TRPM3: variants seen among roughly 807,000 people sequenced by gnomAD.
The protein encoded by TRPM3 is transient receptor potential cation channel subfamily M member 3, also known as long transient receptor potential channel 3.
TRPM3 carries 77 observed loss-of-function variants against 181.2 expected under a neutral mutation model. The observed-to-expected ratio is 0.42, with a 90% confidence interval of 0.35 to 0.51. The LOEUF (loss-of-function observed/expected upper bound fraction) is 0.51. Ranked by LOEUF, TRPM3 falls within the 20% of genes least tolerant of loss-of-function variation. The pLI is 0.01. For missense variants in TRPM3, 1,759 were observed against 2,196.7 expected (o/e 0.80, Z 3.98); for synonymous variants, 745 against 796.4 (o/e 0.94, Z 1.09).
chr9:70,844,197 A>G (rs1261957191), intron 4 of TRPM3, among the ~76,000 whole-genome samples: 1 of 152,220 alleles, frequency 6.6e-6, no homozygotes, highest in Non-Finnish European at 1.5e-5. Flanking sequence ...CGCTAAACTA[A>G]CTAAACACAT....
intron 1 of TRPM3, among the ~76,000 whole-genome samples, chr9:71,349,034 C>G (rs1000133681): frequency 5.9e-5 from 9 of 152,180 alleles, no homozygotes; most frequent in Admixed American, 5.9e-4. Flanking sequence ...TAAATTCCCC[C>G]TTCCTGGGCT....
chr9:70,605,549 A>G (rs1267685224), intron 19 of TRPM3, among the ~76,000 whole-genome samples: 1 of 151,792 alleles, frequency 6.6e-6, no homozygotes, highest in Non-Finnish European at 1.5e-5. Context: ...CTCATGAAGG[A>G]GTTTACTTAA....
chr9:70,543,624 ATAC>A (rs1564240405), intron 25 of TRPM3, among the ~76,000 whole-genome samples: 1 of 152,196 alleles, frequency 6.6e-6, no homozygotes, highest in Non-Finnish European at 1.5e-5. Flanking sequence ...GGCTTTGAAT[ATAC>A]TAGTAATAGC....
intron 1 of TRPM3, among the ~76,000 whole-genome samples, chr9:71,192,089 A>G (rs1234034412): frequency 6.6e-6 from 1 of 151,892 alleles, no homozygotes; most frequent in Non-Finnish European, 1.5e-5. Context: ...GCAGTGGCTT[A>G]AATCTTTACG....
intron 7 of TRPM3, among the ~76,000 whole-genome samples, chr9:70,772,411 G>C (rs1408501268): frequency 6.6e-6 from 1 of 151,450 alleles, no homozygotes; most frequent in African/African-American, 2.4e-5. Flanking sequence ...TCAACCTCCT[G>C]GGCTCAGGTG....
rs201331382 is a variant in TRPM3 at position 71,290,315 on chromosome 9, CA to C, written c.183+156337del. Among the ~76,000 whole-genome samples, 1,179 of 150,964 alleles carry C rather than the reference CA, an allele frequency of 7.8e-3. 20 individuals carry two copies. The highest frequency in any genetic ancestry group is 0.027 in the African/African-American group (1,121 of 41,122). ...TATATCGTAATGTAATTCAGAATACCAAAAAAAGAAAGATATTAAAATTGGC... is the reference window on the plus strand; with the variant it reads ...TATATCGTAATGTAATTCAGAATACCAAAAAAGAAAGATATTAAAATTGGC... On this transcript the variant is annotated intron_variant, in intron 1 of 24. Transcript: ENST00000357533.
At chr9:71,268,249 G>A (rs977783791) in intron 1 of TRPM3, among the ~76,000 whole-genome samples, 1 of 151,872 alleles carries the variant, frequency 6.6e-6, no homozygotes, top group Non-Finnish European at 1.5e-5. Context: ...GCATGGTGGT[G>A]CATGCCTGTA....
intron 6 of TRPM3, among the ~76,000 whole-genome samples, chr9:70,791,933 G>A (rs1425383345): frequency 6.6e-6 from 1 of 152,122 alleles, no homozygotes; most frequent in Non-Finnish European, 1.5e-5. Flanking sequence ...TTCTTTTGGG[G>A]CATTGCCTTC....
chr9:71,019,635 G>A (rs1448857152), intron 1 of TRPM3, among the ~76,000 whole-genome samples: 1 of 152,030 alleles, frequency 6.6e-6, no homozygotes, highest in African/African-American at 2.4e-5. Context: ...TATTGATATT[G>A]TAATGATGCC....
intron 1 of TRPM3, among the ~76,000 whole-genome samples, chr9:71,115,581 T>C (rs1377167128): frequency 6.6e-6 from 1 of 152,198 alleles, no homozygotes. Flanking sequence ...GAACCGCTGC[T>C]GGGTAGGCAG....
chr9:70,819,812 A>G (rs1282321995), intron 6 of TRPM3, among the ~76,000 whole-genome samples: 1 of 152,228 alleles, frequency 6.6e-6, no homozygotes, highest in Non-Finnish European at 1.5e-5. Context: ...TGTTCACAAT[A>G]TAATCAGATG....
intron 1 of TRPM3, among the ~76,000 whole-genome samples, chr9:71,091,613 T>C (rs1010873859): frequency 6.6e-6 from 1 of 152,100 alleles, no homozygotes; most frequent in Non-Finnish European, 1.5e-5. Flanking sequence ...TTTAGCAACA[T>C]TGTGCACCTG....
chr9:70,940,407 A>C (rs1460116878), intron 1 of TRPM3, among the ~76,000 whole-genome samples: 2 of 152,186 alleles, frequency 1.3e-5, no homozygotes, highest in Non-Finnish European at 2.9e-5. Context: ...GGACGGCATG[A>C]ATGCAAGTAT....
At chr9:70,981,684 G>C (rs1268630777) in intron 1 of TRPM3, among the ~76,000 whole-genome samples, 2 of 152,046 alleles carry the variant, frequency 1.3e-5, no homozygotes, top group African/African-American at 4.8e-5. Context: ...AGGTAATGTA[G>C]GCAAACATTT....
chr9:70,931,034 G>A (rs1303500661), intron 1 of TRPM3, among the ~76,000 whole-genome samples: 3 of 152,020 alleles, frequency 2.0e-5, no homozygotes, highest in Non-Finnish European at 4.4e-5. Context: ...TCTCTAAAGA[G>A]TGGCTTTTTT....
chr9:71,147,564 T>C (rs1468805007), intron 1 of TRPM3, among the ~76,000 whole-genome samples: 1 of 152,116 alleles, frequency 6.6e-6, no homozygotes, highest in African/African-American at 2.4e-5. Context: ...CCTGAAGTCC[T>C]ATACATACAC....
At chr9:71,109,497 G>T (rs370859778) in intron 1 of TRPM3, among the ~76,000 whole-genome samples, 1 of 151,958 alleles carries the variant, frequency 6.6e-6, no homozygotes, top group Non-Finnish European at 1.5e-5. Flanking sequence ...CCAACTATAC[G>T]CAAACACAAA....
intron 9 of TRPM3, among the ~76,000 whole-genome samples, chr9:70,656,810 C>T (rs2060405991): frequency 6.6e-6 from 1 of 151,622 alleles, no homozygotes; most frequent in Non-Finnish European, 1.5e-5. Flanking sequence ...AATGTGTGTC[C>T]TTTCTAAAAA....
At chr9:71,188,147 C>G (rs1329762) in intron 1 of TRPM3, among the ~76,000 whole-genome samples, 66,052 of 151,526 alleles carry the variant, frequency 0.44, 14,711 homozygotes, top group East Asian at 0.52. Context: ...AAGGAGACGT[C>G]CTAAATAACA....
Sources: allele counts gnomAD v4.1 joint callset (sites outside exome capture counted in the v4.1 genomes callset), GRCh38; gene constraint gnomAD v4.1.1; transcripts MANE v1.5; gene names NCBI Gene and HGNC (gene_info 2026-07-23, HGNC 2026-07-21).